The following ARHGEF3 variants were observed in gnomAD, a reference collection of about 807,000 sequenced individuals.
The protein encoded by ARHGEF3 is 59.8 kDA protein.
ARHGEF3 carries 28 observed loss-of-function variants against 63.2 expected under a neutral mutation model. That is an observed-to-expected ratio of 0.44 (90% CI 0.33 to 0.61). The LOEUF (loss-of-function observed/expected upper bound fraction) is 0.61, where lower values mean the gene tolerates loss of function less well. Among genes scored for constraint, ARHGEF3 ranks in the 20% least tolerant of loss-of-function variants. The pLI, the probability that ARHGEF3 is intolerant of heterozygous loss-of-function variation, is 0.03. For missense variants in ARHGEF3, 533 were observed against 659.3 expected, an observed-to-expected ratio of 0.81 and a Z score of 2.10; for synonymous variants, 266 against 254.2, an observed-to-expected ratio of 1.05 and a Z score of -0.44.
chr3:56,865,343 G>A (rs986803616), intron 4 of ARHGEF3, among the ~76,000 whole-genome samples: 1 of 152,190 alleles, frequency 6.6e-6, no homozygotes, highest in Non-Finnish European at 1.5e-5. Flanking sequence ...AAACAGAGCA[G>A]AGCAAAACAC....
chr3:56,905,553 C>CATAA (rs1355050333), intron 3 of ARHGEF3, among the ~76,000 whole-genome samples: 11 of 152,218 alleles, frequency 7.2e-5, no homozygotes, highest in Admixed American at 5.2e-4. Context: ...AACCAGCCTA[C>CATAA]ACGCATAAGA....
chr3:56,986,931 G>T (rs575076396), intron 2 of ARHGEF3, among the ~76,000 whole-genome samples: 2 of 152,270 alleles, frequency 1.3e-5, no homozygotes, highest in Non-Finnish European at 2.9e-5. Flanking sequence ...CACTTTGGAG[G>T]CCGGGTGTGA....
intron 6 of ARHGEF3, among the ~76,000 whole-genome samples, chr3:56,747,074 G>C (rs1324900679): frequency 8.4e-6 from 1 of 118,438 alleles, no homozygotes; most frequent in South Asian, 4.5e-4. Context: ...CAGAGAGAGA[G>C]AGAGAGAGAG....
At chr3:56,992,375 TAAAAAAAAAA>T (rs57740672) in intron 2 of ARHGEF3, among the ~76,000 whole-genome samples, 498 of 46,064 alleles carry the variant, frequency 0.011, 2 homozygotes, top group Non-Finnish European at 0.013. Flanking sequence ...AGGATGGCTT[TAAAAAAAAAA>T]AAAAAAAAAA....
At chr3:56,909,079 C>T (rs373846056) in intron 3 of ARHGEF3, among the ~76,000 whole-genome samples, 42 of 152,236 alleles carry the variant, frequency 2.8e-4, no homozygotes, top group African/African-American at 9.9e-4. Flanking sequence ...AGAAAAACAC[C>T]GCTTCGCTTC....
chr3:56,860,045 T>G (rs947526670), intron 4 of ARHGEF3, among the ~76,000 whole-genome samples: 4 of 151,114 alleles, frequency 2.6e-5, no homozygotes, highest in Non-Finnish European at 4.4e-5. Context: ...TCAAGAGAGA[T>G]AGATAGATAG....
intron 3 of ARHGEF3, among the ~76,000 whole-genome samples, chr3:56,884,256 G>GT (rs2040852819): frequency 6.6e-6 from 1 of 151,874 alleles, no homozygotes; most frequent in Non-Finnish European, 1.5e-5. Flanking sequence ...AGAGTGCCTA[G>GT]TACACAGTAG....
chr3:56,757,142 T>G (rs987225404), intron 2 of ARHGEF3, among the ~76,000 whole-genome samples: 28 of 152,138 alleles, frequency 1.8e-4, no homozygotes, highest in Non-Finnish European at 4.4e-5. Context: ...AAAGAAAAAT[T>G]TTAAAAGGAA....
intron 1 of ARHGEF3, among the ~76,000 whole-genome samples, chr3:57,055,309 A>C (rs1704873891): frequency 1.3e-5 from 2 of 151,902 alleles, no homozygotes; most frequent in East Asian, 2.0e-4. Context: ...CTACAGGCGC[A>C]TGCCACCAAG....
chr3:57,002,845 C>T (rs1352013487), intron 2 of ARHGEF3, among the ~76,000 whole-genome samples: 3 of 149,252 alleles, frequency 2.0e-5, no homozygotes, highest in Non-Finnish European at 4.4e-5. Context: ...GCAATCTTGG[C>T]TCACTGCAAC....
intron 4 of ARHGEF3, among the ~76,000 whole-genome samples, chr3:56,835,936 T>C (rs1488632230): frequency 6.6e-6 from 1 of 152,238 alleles, no homozygotes; most frequent in Non-Finnish European, 1.5e-5. Context: ...AAGAAATGAC[T>C]TAAGTCTTTG....
intron 3 of ARHGEF3, among the ~76,000 whole-genome samples, chr3:56,911,711 A>G (rs2041857070): frequency 6.6e-6 from 1 of 152,006 alleles, no homozygotes; most frequent in Non-Finnish European, 1.5e-5. Context: ...CTTGCATCGA[A>G]TATGCTGCTT....
chr3:56,768,248 A>T (rs1026054313), intron 2 of ARHGEF3, among the ~76,000 whole-genome samples: 2 of 149,498 alleles, frequency 1.3e-5, no homozygotes, highest in African/African-American at 4.9e-5. Context: ...TAGTAGAGAC[A>T]GGGTTTCGCC....
At chr3:56,799,385 T>C (rs1385344959) in intron 1 of ARHGEF3, among the ~76,000 whole-genome samples, 1 of 152,352 alleles carries the variant, frequency 6.6e-6, no homozygotes, top group East Asian at 1.9e-4. Flanking sequence ...AGGGCACAGG[T>C]GCTCTGTTGC....
chr3:56,836,038 C>T (rs1181296150), intron 4 of ARHGEF3, among the ~76,000 whole-genome samples: 3 of 152,152 alleles, frequency 2.0e-5, no homozygotes, highest in African/African-American at 4.8e-5. Context: ...AAATGACCTT[C>T]GTGACACAAT....
chr3:56,855,393 A>T (rs1016869541), intron 4 of ARHGEF3, among the ~76,000 whole-genome samples: 1 of 152,150 alleles, frequency 6.6e-6, no homozygotes, highest in Non-Finnish European at 1.5e-5. Context: ...TGCAAAAACA[A>T]GTAGTCTGGG....
At chr3:56,927,847 G>C (rs1411073749) in intron 3 of ARHGEF3, among the ~76,000 whole-genome samples, 1 of 152,208 alleles carries the variant, frequency 6.6e-6, no homozygotes, top group Admixed American at 6.5e-5. Context: ...TTCACAGTTT[G>C]TGTCAAGCAC....
intron 1 of ARHGEF3, among the ~76,000 whole-genome samples, chr3:57,040,348 G>A (rs371097653): frequency 1.9e-3 from 292 of 152,184 alleles, no homozygotes; most frequent in South Asian, 3.5e-3. Context: ...GTGGTGGCAC[G>A]CACCTGTAGT....
chr3:56,959,893 G>A (rs1700206541), intron 2 of ARHGEF3, among the ~76,000 whole-genome samples: 1 of 152,136 alleles, frequency 6.6e-6, no homozygotes, highest in African/African-American at 2.4e-5. Context: ...CAGGAGAATC[G>A]CTTGAACCCG....
Sources: allele counts gnomAD v4.1 joint callset (sites outside exome capture counted in the v4.1 genomes callset), GRCh38; gene constraint gnomAD v4.1.1; transcripts MANE v1.5; gene names NCBI Gene and HGNC (gene_info 2026-07-23, HGNC 2026-07-21).